CEP350: variants seen among roughly 807,000 people sequenced by gnomAD.
The protein encoded by CEP350 is centrosome-associated protein 350.
In CEP350, 126 loss-of-function variants were observed where a neutral mutation model predicts 331.8. The observed-to-expected ratio is 0.38, with a 90% CI of 0.33 to 0.44. The LOEUF (loss-of-function observed/expected upper bound fraction) is 0.44, where lower values mean the gene tolerates loss of function less well. Ranked by LOEUF, CEP350 falls within the 20% of genes least tolerant of loss-of-function variation. CEP350 has a pLI of 1.00. For missense variants in CEP350, 3,406 were observed against 3,634.6 expected (o/e 0.94, Z 1.62); for synonymous variants, 1,200 against 1,259.5 (o/e 0.95, Z 1.00).
intron 27 of CEP350, among the ~76,000 whole-genome samples, chr1:180,071,245 G>C (rs1658871458): frequency 6.6e-6 from 1 of 151,194 alleles, no homozygotes. Context: ...ATCACCTGAG[G>C]TCAGGAGTTG....
Position 180,090,762 on chromosome 1 carries a change from C to T in CEP350, c.6474C>T (p.Ser2158=). 1 of 1,551,414 alleles carries T rather than the reference C, an allele frequency of 6.4e-7. No homozygotes were observed. Among genetic ancestry groups the T allele is most frequent in the East Asian group, 2.4e-5 (1 of 41,464 alleles). ...AATCACTAACAGAGTCAGAACGTTC[C>T]AGAGGATCCCTGGAGTCTATTGCTG... The part of the protein sequence containing the change: ...NWKSLTESER[S]RGSLESIAEH... The change falls in exon 33 of 38, where the codon TCC becomes TCT. Residue 2158 remains serine, a synonymous_variant. Transcript: ENST00000367607.
At chr1:180,003,047 C>G in intron 6 of CEP350, 127 bp from the exon 7 acceptor site, 1 of 622,726 alleles carries the variant, frequency 1.6e-6, no homozygotes, top group Non-Finnish European at 2.8e-6. Context: ...TACTATAAAC[C>G]ACTGAATTGT....
In CEP350 at chr1:180,078,547, C is replaced by T. The variant is rs1401075392; in HGVS notation, c.5852C>T (p.Pro1951Leu). 6.2e-7 allele frequency: 1 copy of T among 1,613,556 alleles called. No homozygotes were observed. Among genetic ancestry groups the T allele is most frequent in the Admixed American group, 1.7e-5 (1 of 59,970 alleles). Residue 1951 changes from proline to leucine, a missense_variant, in exon 29 of 38, where the codon CCT becomes CTT. Coordinates refer to ENST00000367607, the MANE Select transcript of CEP350 (RefSeq NM_014810.5). ...TCCATTCCAGAAGAATTAGGCAGCC[C>T]TGCTGTTGAATATGTACCATCCGAG... Reference protein sequence around the residue: ...ESSIPEELGSPAVEYVPSESI... With the variant: ...ESSIPEELGSLAVEYVPSESI...
chr1:179,987,032 C>T (rs771169757), intron 2 of CEP350, among the ~76,000 whole-genome samples: 2 of 151,974 alleles, frequency 1.3e-5, no homozygotes, highest in African/African-American at 4.8e-5. Flanking sequence ...ACCTTTAAAC[C>T]GTATGTTGGG....
At chr1:180,025,326 G>A (rs1655600394) in intron 14 of CEP350, among the ~76,000 whole-genome samples, 1 of 152,058 alleles carries the variant, frequency 6.6e-6, no homozygotes, top group Non-Finnish European at 1.5e-5. Flanking sequence ...ATAAAATAGA[G>A]ATAATAATAG....
intron 1 of CEP350, among the ~76,000 whole-genome samples, chr1:179,960,442 C>T (rs549485009): frequency 1.6e-4 from 24 of 152,188 alleles, no homozygotes; most frequent in African/African-American, 4.8e-4. Context: ...CTGTGGAGCA[C>T]CATAGTAACT....
At position 180,090,699 on chromosome 1, in the gene CEP350, A is replaced by T; in HGVS notation, c.6426-15A>T. 1 of 1,537,088 alleles carries T rather than the reference A, an allele frequency of 6.5e-7. No individual in the cohort carries two copies. Among genetic ancestry groups the T allele is most frequent in the Non-Finnish European group, 8.8e-7 (1 of 1,141,094 alleles). On this transcript the variant is annotated splice_polypyrimidine_tract_variant and intron_variant, in intron 32 of 37. Transcript: ENST00000367607. ...GTAATATGTTTATTTCTGCTCATTA[A>T]TTTTTACACGTCAGATCTGAAACGG... is the stretch of plus-strand genomic sequence containing the variant.
chr1:179,969,550 G>T (rs1054599588), intron 1 of CEP350: 4 of 351,656 alleles, frequency 1.1e-5, no homozygotes, highest in Admixed American at 3.7e-5. Flanking sequence ...ATGGAAACAG[G>T]GTTGATGGAA....
intron 22 of CEP350, among the ~76,000 whole-genome samples, chr1:180,050,052 A>G (rs1394300937): frequency 6.6e-6 from 1 of 152,148 alleles, no homozygotes; most frequent in African/African-American, 2.4e-5. Context: ...GGAGTTAGGA[A>G]TCTAAAGAAG....
chr1:179,966,998 A>C (rs1028284251), intron 1 of CEP350, among the ~76,000 whole-genome samples: 3 of 152,148 alleles, frequency 2.0e-5, no homozygotes, highest in African/African-American at 7.2e-5. Flanking sequence ...AAAACCTTAG[A>C]CAAATTAAAT....
intron 27 of CEP350, among the ~76,000 whole-genome samples, chr1:180,072,974 G>A (rs1357117759): frequency 2.0e-5 from 3 of 152,002 alleles, no homozygotes; most frequent in Admixed American, 6.6e-5. Context: ...ACACACGCAC[G>A]GATCTATTTA....
chr1:179,956,078 C>T (rs565161070), intron 1 of CEP350, among the ~76,000 whole-genome samples: 8 of 152,170 alleles, frequency 5.3e-5, no homozygotes, highest in Non-Finnish European at 7.3e-5. Flanking sequence ...CTGAAAATTT[C>T]TTCGTTTAAT....
intron 1 of CEP350, among the ~76,000 whole-genome samples, chr1:179,985,427 T>C (rs1273124819): frequency 1.3e-5 from 2 of 152,250 alleles, no homozygotes; most frequent in Non-Finnish European, 2.9e-5. Flanking sequence ...TACTTCCACG[T>C]TAGCTACTAT....
chr1:180,057,533 C>G (rs1435384197), intron 25 of CEP350, among the ~76,000 whole-genome samples: 2 of 149,842 alleles, frequency 1.3e-5, no homozygotes, highest in Non-Finnish European at 3.0e-5. Flanking sequence ...TTTTTTTAAA[C>G]TATCGTATGG....
rs763257368 is a variant in CEP350 at position 179,998,303 on chromosome 1, CTT to C, written c.1018+1150_1018+1151del. On this transcript the variant is annotated intron_variant, in intron 6 of 37. Coordinates refer to ENST00000367607, the MANE Select transcript of CEP350 (RefSeq NM_014810.5). ...TATAATAATTTGTTTCTTCTATTTT[CTT>C]TTTTTTTTTTTTTTTTTTTTTAAGA... 6.2e-5 allele frequency among the ~76,000 whole-genome samples: 7 copies of C among 112,050 alleles called. 1 individual carries two copies. The highest frequency in any genetic ancestry group is 1.7e-4 in the Admixed American group (2 of 11,742). 73.5% of individuals were successfully genotyped at this position (112,050 alleles called of 152,430 possible).
intron 8 of CEP350, among the ~76,000 whole-genome samples, chr1:180,011,016 GTC>G (rs968358612): frequency 6.6e-6 from 1 of 151,288 alleles, no homozygotes; most frequent in African/African-American, 2.4e-5. Flanking sequence ...TTAAGTCACT[GTC>G]TATTTTGAGA....
intron 1 of CEP350, among the ~76,000 whole-genome samples, chr1:179,958,054 C>G (rs1425888225): frequency 6.6e-6 from 1 of 152,142 alleles, no homozygotes. Flanking sequence ...CATTGCACAG[C>G]TGCTAAGTCT....
rs1660291707 is a variant in CEP350 at position 180,093,100 on chromosome 1, G to A, written c.6995G>A (p.Arg2332Lys). The A allele has an allele frequency of 6.2e-7, 1 of 1,603,544 alleles. No individual in the cohort carries two copies. The highest frequency in any genetic ancestry group is 1.3e-5 in the African/African-American group (1 of 74,948). Residue 2332 changes from arginine to lysine, a missense_variant, in exon 34 of 38, where the codon AGA becomes AAA. Physicochemically the swap from Arg to Lys is conservative, Grantham distance 26. Transcript: ENST00000367607. ...LHKSEEMLKE[R>K]QSDQDMNHSP... ...AAAAGTGAGGAAATGTTGAAAGAGA[G>A]ACAGTCAGATCAAGATATGAATCAT...
At chr1:179,999,125 A>G (rs1479207180) in intron 6 of CEP350, among the ~76,000 whole-genome samples, 2 of 152,178 alleles carry the variant, frequency 1.3e-5, no homozygotes, top group Non-Finnish European at 2.9e-5. Flanking sequence ...CCCATTAAGT[A>G]TAGATTACAT....
Sources: allele counts gnomAD v4.1 joint callset (sites outside exome capture counted in the v4.1 genomes callset), GRCh38; gene constraint gnomAD v4.1.1; transcripts MANE v1.5; gene names NCBI Gene and HGNC (gene_info 2026-07-23, HGNC 2026-07-21).